Variants in SNX13 observed in about 807,000 individuals in gnomAD.
The protein encoded by SNX13 is sorting nexin-13.
A neutral mutation model predicts 133.6 loss-of-function variants in SNX13; 45 were observed. That is an observed-to-expected ratio of 0.34 (90% CI 0.27 to 0.43). The LOEUF (loss-of-function observed/expected upper bound fraction) is 0.43, where lower values mean the gene tolerates loss of function less well. SNX13 is among the 20% of genes least tolerant of loss of function. The pLI is 1.00. For synonymous variants in SNX13, 414 were observed against 373.9 expected (o/e 1.11, Z -1.24); for missense variants, 1,032 against 1,145.1 (o/e 0.90, Z 1.43).
intron 5 of SNX13, among the ~76,000 whole-genome samples, chr7:17,878,335 C>T (rs1794954647): frequency 6.6e-6 from 1 of 152,036 alleles, no homozygotes; most frequent in Non-Finnish European, 1.5e-5. Context: ...AATAAAAGAA[C>T]ACAATCCCTA....
At chr7:17,824,610 C>G (rs1787666060) in intron 17 of SNX13, among the ~76,000 whole-genome samples, 1 of 151,582 alleles carries the variant, frequency 6.6e-6, no homozygotes, top group Non-Finnish European at 1.5e-5. Context: ...GTTCACCCAG[C>G]TATTTTTTTT....
intron 12 of SNX13, among the ~76,000 whole-genome samples, chr7:17,843,675 T>C (rs1168342978): frequency 6.6e-6 from 1 of 152,060 alleles, no homozygotes; most frequent in African/African-American, 2.4e-5. Context: ...GGCCACAAAT[T>C]GAGTCTCATA....
At chr7:17,831,578 G>A (rs1788492555) in intron 15 of SNX13, 1 of 983,854 alleles carries the variant, frequency 1.0e-6, no homozygotes, top group Non-Finnish European at 1.2e-6. Context: ...AACCACCAGA[G>A]GATACAGTAC....
chr7:17,807,988 C>T (rs1316541498), intron 20 of SNX13, among the ~76,000 whole-genome samples: 2 of 152,074 alleles, frequency 1.3e-5, no homozygotes, highest in African/African-American at 2.4e-5. Context: ...GATAAATTCA[C>T]GAAGAAGAGG....
At position 17,794,186 on chromosome 7, in the gene SNX13, G is replaced by A. The variant is rs749143658; in HGVS notation, c.2733C>T (p.Phe911=). 1 of 1,611,586 alleles carries A rather than the reference G, an allele frequency of 6.2e-7. No individual in the cohort carries two copies. Among genetic ancestry groups the A allele is most frequent in the Non-Finnish European group, 8.5e-7 (1 of 1,178,468 alleles). Residue 911 remains phenylalanine, a synonymous_variant, in exon 26 of 26, where the codon TTC becomes TTT. Coordinates refer to ENST00000428135, the MANE Select transcript of SNX13 (RefSeq NM_015132.5). ...NQLNRRMVYV[F]LEGFLETLFP... is the part of the protein sequence containing the mutation. ...ATAAGGTTTCTAAAAAGCCTTCCAA[G>A]AAGACATAAACCATTCTCCTATTTA...
rs992680783 is a variant in SNX13, at chr7:17,834,154, A to G, written c.1495T>C (p.Phe499Leu). ...VYELMLRDER[F>L]YPSFRQNALY... ...GCATTCTGTCTGAAGGAAGGATAAA[A>G]TCTTTCATCTCGTAGCATCAATTCA... Residue 499 changes from phenylalanine to leucine, a missense_variant, in exon 15 of 26, where the codon TTT becomes CTT. By Grantham distance (22) the Phe-to-Leu change is conservative. Transcript: ENST00000428135. The G allele has an allele frequency of 6.3e-7, 1 of 1,593,056 alleles. No individual in the cohort carries two copies. The highest frequency in any genetic ancestry group is 1.3e-5 in the African/African-American group (1 of 74,580).
intron 9 of SNX13, among the ~76,000 whole-genome samples, chr7:17,852,232 G>C (rs556241790): frequency 6.6e-6 from 1 of 152,278 alleles, no homozygotes; most frequent in East Asian, 1.9e-4. Context: ...AAATTAGCTG[G>C]GCATGGTGGC....
At chr7:17,921,073 C>G (rs899647301) in intron 1 of SNX13, among the ~76,000 whole-genome samples, 13 of 152,140 alleles carry the variant, frequency 8.5e-5, no homozygotes, top group African/African-American at 3.1e-4. Flanking sequence ...GCCTGTGGGA[C>G]AACAGCCCCA....
At chr7:17,817,638 A>T (rs995869228) in intron 18 of SNX13, among the ~76,000 whole-genome samples, 6 of 152,188 alleles carry the variant, frequency 3.9e-5, no homozygotes, top group African/African-American at 1.4e-4. Flanking sequence ...GAAAACCAAT[A>T]AAGGGTAGAG....
chr7:17,877,835 T>C (rs556773563), intron 5 of SNX13, among the ~76,000 whole-genome samples: 7 of 152,070 alleles, frequency 4.6e-5, no homozygotes, highest in African/African-American at 1.7e-4. Flanking sequence ...TCTTATCTCT[T>C]TCTGAGGTTA....
At chr7:17,940,238 C>A in intron 1 of SNX13, 46 bp downstream of exon 1, 1 of 1,552,822 alleles carries the variant, frequency 6.4e-7, no homozygotes, top group Non-Finnish European at 8.7e-7. Context: ...TGGCGCCGGC[C>A]CCTTCCCCAT....
At chr7:17,869,850 T>A (rs559479265) in intron 8 of SNX13, among the ~76,000 whole-genome samples, 9 of 149,562 alleles carry the variant, frequency 6.0e-5, no homozygotes, top group Non-Finnish European at 1.2e-4. Flanking sequence ...ATGCACTTTG[T>A]TAGGAGAAAA....
chr7:17,802,153 G>T (rs1175444196), intron 21 of SNX13, among the ~76,000 whole-genome samples: 1 of 151,952 alleles, frequency 6.6e-6, no homozygotes, highest in African/African-American at 2.4e-5. Context: ...GGAGCAATAG[G>T]CAATACTATA....
At chr7:17,878,962 G>C (rs1271534643) in intron 5 of SNX13, among the ~76,000 whole-genome samples, 3 of 151,852 alleles carry the variant, frequency 2.0e-5, no homozygotes, top group Non-Finnish European at 2.9e-5. Flanking sequence ...CCATTCACTT[G>C]ACAATTCCCA....
intron 4 of SNX13, among the ~76,000 whole-genome samples, 200 bp downstream of exon 4, chr7:17,891,345 GA>G (rs1162545028): frequency 6.6e-6 from 1 of 151,838 alleles, no homozygotes; most frequent in Non-Finnish European, 1.5e-5. Context: ...AAATTCAATC[GA>G]AAGGCTTTTA....
At chr7:17,800,550 T>TAA (rs976930949) in intron 22 of SNX13, among the ~76,000 whole-genome samples, 1 of 151,788 alleles carries the variant, frequency 6.6e-6, no homozygotes, top group African/African-American at 2.4e-5. Flanking sequence ...AAAAAATGTT[T>TAA]TTAAAGAAAA....
intron 12 of SNX13, 104 bp downstream of exon 12, chr7:17,845,491 C>T (rs112496021): frequency 2.9e-6 from 2 of 694,960 alleles, no homozygotes; most frequent in Non-Finnish European, 4.8e-6. Context: ...CTGAACTATA[C>T]ACTTAAAAAT....
At chr7:17,908,866 G>C (rs944801486) in intron 1 of SNX13, among the ~76,000 whole-genome samples, 3 of 152,148 alleles carry the variant, frequency 2.0e-5, no homozygotes, top group African/African-American at 7.2e-5. Flanking sequence ...CAGCTAGAAA[G>C]GGTGGGGCAG....
chr7:17,892,883 T>A (rs1371671784), intron 3 of SNX13, among the ~76,000 whole-genome samples: 5 of 152,140 alleles, frequency 3.3e-5, no homozygotes. Flanking sequence ...ATGATAAAAA[T>A]TAGGCCTGAA....
Sources: allele counts gnomAD v4.1 joint callset (sites outside exome capture counted in the v4.1 genomes callset), GRCh38; gene constraint gnomAD v4.1.1; transcripts MANE v1.5; gene names NCBI Gene and HGNC (gene_info 2026-07-23, HGNC 2026-07-21).